Variants in DACH1 observed in about 807,000 individuals in gnomAD.
DACH1 encodes the protein dachshund homolog 1.
Under a neutral mutation model 54.2 loss-of-function variants are expected in DACH1, and 12 were observed. The observed-to-expected ratio is 0.22, with a 90% confidence interval of 0.14 to 0.36. The LOEUF (loss-of-function observed/expected upper bound fraction) is 0.36, where lower values mean the gene tolerates loss of function less well. Among genes scored for constraint, DACH1 ranks in the 10% least tolerant of loss-of-function variants. The pLI, the probability that DACH1 is intolerant of heterozygous loss-of-function variation, is 1.00. For missense variants in DACH1, 805 were observed against 929.8 expected (o/e 0.87, Z 1.75); for synonymous variants, 386 against 366.2 (o/e 1.05, Z -0.62).
chr13:71,567,441 C>CA (rs563083543), intron 4 of DACH1, among the ~76,000 whole-genome samples: 4,200 of 148,738 alleles, frequency 0.028, 62 homozygotes, highest in Middle Eastern at 0.072. Context: ...ATGAGCAGAA[C>CA]AAAAAAAAAT....
chr13:71,551,213 A>G (rs940028601), intron 6 of DACH1, among the ~76,000 whole-genome samples: 3 of 152,254 alleles, frequency 2.0e-5, no homozygotes, highest in Admixed American at 6.6e-5. Context: ...TTTTGGGAGT[A>G]CATGCGATAG....
At chr13:71,722,836 G>C (rs1883291533) in intron 1 of DACH1, among the ~76,000 whole-genome samples, 1 of 151,948 alleles carries the variant, frequency 6.6e-6, no homozygotes, top group Admixed American at 6.6e-5. Context: ...TACTATTCGT[G>C]GCTTTCTCAT....
intron 1 of DACH1, among the ~76,000 whole-genome samples, chr13:71,802,940 A>G (rs1887347367): frequency 6.6e-6 from 1 of 152,298 alleles, no homozygotes; most frequent in East Asian, 1.9e-4. Flanking sequence ...TTAAGCAAAC[A>G]GTTGGCAAAA....
intron 3 of DACH1, among the ~76,000 whole-genome samples, chr13:71,613,356 CAG>C (rs1875482787): frequency 6.6e-6 from 1 of 152,164 alleles, no homozygotes; most frequent in African/African-American, 2.4e-5. Context: ...CCACTTTATG[CAG>C]AGTCTTTTCA....
intron 6 of DACH1, among the ~76,000 whole-genome samples, chr13:71,531,189 G>C (rs894495574): frequency 6.6e-6 from 1 of 151,784 alleles, no homozygotes; most frequent in East Asian, 1.9e-4. Flanking sequence ...CTAACTTTTC[G>C]GGAAGAGTTA....
chr13:71,847,271 C>T (rs1873345916), intron 1 of DACH1, among the ~76,000 whole-genome samples: 1 of 152,018 alleles, frequency 6.6e-6, no homozygotes, highest in Non-Finnish European at 1.5e-5. Context: ...TATTTGCATT[C>T]CTATTTTAAT....
intron 1 of DACH1, among the ~76,000 whole-genome samples, chr13:71,747,211 G>A (rs1020398156): frequency 1.1e-4 from 17 of 152,074 alleles, no homozygotes; most frequent in South Asian, 2.1e-4. Context: ...ACTAGATCAT[G>A]TAATGTAGTC....
chr13:71,766,841 A>T (rs181961493), intron 1 of DACH1, among the ~76,000 whole-genome samples: 5 of 76,388 alleles, frequency 6.5e-5, no homozygotes, highest in African/African-American at 1.7e-4. Context: ...GAAAAGGCTT[A>T]AAAAAAAAAA....
At chr13:71,694,133 AAGTT>A (rs959152645) in intron 1 of DACH1, among the ~76,000 whole-genome samples, 1 of 152,138 alleles carries the variant, frequency 6.6e-6, no homozygotes, top group African/African-American at 2.4e-5. Flanking sequence ...CTTCACTGAC[AAGTT>A]ATTTGTATGC....
At chr13:71,660,283 T>C (rs1487193788) in intron 2 of DACH1, among the ~76,000 whole-genome samples, 1 of 152,134 alleles carries the variant, frequency 6.6e-6, no homozygotes, top group Non-Finnish European at 1.5e-5. Flanking sequence ...GCCTGACTTA[T>C]ATTAAATCCA....
At chr13:71,558,140 T>C (rs1186255433) in intron 5 of DACH1, among the ~76,000 whole-genome samples, 6 of 152,066 alleles carry the variant, frequency 3.9e-5, no homozygotes, top group Non-Finnish European at 8.8e-5. Flanking sequence ...ATGATGAATT[T>C]GAGATAAAGT....
intron 3 of DACH1, among the ~76,000 whole-genome samples, chr13:71,590,267 G>A (rs929145498): frequency 1.3e-5 from 2 of 151,996 alleles, no homozygotes; most frequent in East Asian, 3.9e-4. Flanking sequence ...TCTAAGAAGA[G>A]GGTCAAAGGA....
chr13:71,806,687 G>A (rs1178084208), intron 1 of DACH1, among the ~76,000 whole-genome samples: 1 of 152,084 alleles, frequency 6.6e-6, no homozygotes, highest in Non-Finnish European at 1.5e-5. Context: ...ATTTCTCAAA[G>A]CTCATCATTA....
At chr13:71,452,341 TG>T (rs1261871551) in intron 10 of DACH1, among the ~76,000 whole-genome samples, 1 of 152,130 alleles carries the variant, frequency 6.6e-6, no homozygotes, top group Non-Finnish European at 1.5e-5. Flanking sequence ...TTGCCCAGGC[TG>T]GTCTCAAACT....
chr13:71,838,011 G>T (rs1314935988), intron 1 of DACH1, among the ~76,000 whole-genome samples: 2 of 55,582 alleles, frequency 3.6e-5, no homozygotes, highest in East Asian at 6.8e-4. Flanking sequence ...TGGTGGGGAG[G>T]GGGGAGGGGG....
intron 1 of DACH1, among the ~76,000 whole-genome samples, chr13:71,836,900 G>A (rs1346000015): frequency 1.3e-5 from 2 of 151,910 alleles, no homozygotes; most frequent in South Asian, 2.1e-4. Flanking sequence ...CCCTATGAGG[G>A]TAGGGATTTT....
intron 1 of DACH1, among the ~76,000 whole-genome samples, chr13:71,847,559 G>C (rs796935895): frequency 9.2e-5 from 14 of 152,166 alleles, no homozygotes; most frequent in African/African-American, 3.4e-4. Flanking sequence ...TCTTCTATCA[G>C]CAAGTAGCTA....
At chr13:71,482,862 G>A (rs1253404536) in intron 7 of DACH1, among the ~76,000 whole-genome samples, 7 of 144,064 alleles carry the variant, frequency 4.9e-5, no homozygotes, top group African/African-American at 1.8e-4. Context: ...TGCAAATGGC[G>A]CGATCTCGGC....
At chr13:71,600,561 T>A (rs1874419407) in intron 3 of DACH1, among the ~76,000 whole-genome samples, 1 of 151,892 alleles carries the variant, frequency 6.6e-6, no homozygotes, top group African/African-American at 2.4e-5. Context: ...AAAAGAAGGA[T>A]CCAGGAAATC....
Sources: allele counts gnomAD v4.1 joint callset (sites outside exome capture counted in the v4.1 genomes callset), GRCh38; gene constraint gnomAD v4.1.1; transcripts MANE v1.5; gene names NCBI Gene and HGNC (gene_info 2026-07-23, HGNC 2026-07-21).